DAP: variants seen among roughly 807,000 people sequenced by gnomAD.
DAP encodes death associated protein.
A neutral mutation model predicts 13.8 loss-of-function variants in DAP; 8 were observed. The ratio of observed to expected loss-of-function variants is 0.58; its 90% confidence interval spans 0.34 to 1.05. The LOEUF is 1.05. Among genes scored for constraint, DAP ranks in the 50% least tolerant of loss-of-function variants. DAP has a pLI of 0.03. For missense variants in DAP, 106 were observed against 133.2 expected, an observed-to-expected ratio of 0.80 and a Z score of 1.01; for synonymous variants, 47 against 47.5, an observed-to-expected ratio of 0.99 and a Z score of 0.04.
chr5:10,718,225 AG>A (rs1316085844), intron 2 of DAP, among the ~76,000 whole-genome samples: 9 of 152,212 alleles, frequency 5.9e-5, no homozygotes, highest in Non-Finnish European at 1.0e-4. Flanking sequence ...TGTGGTCCTC[AG>A]TTAAAGTAGG....
Position 10,680,959 on chromosome 5 carries a change from C to G in DAP, c.*97G>C. 2 of 1,542,886 alleles carry G rather than the reference C, an allele frequency of 1.3e-6. No homozygotes were observed. The highest frequency in any genetic ancestry group is 2.4e-5 in the East Asian group (1 of 41,068). ...CTTGGTTTTGCCTTAGATTTCCCAG[C>G]AGAGTAGGATTTGGGCGAAACTGCT... is the stretch of plus-strand genomic sequence containing the variant. On this transcript the variant is annotated 3_prime_UTR_variant, in exon 4 of 4. Coordinates refer to ENST00000230895, the MANE Select transcript of DAP (RefSeq NM_004394.3).
intron 2 of DAP, among the ~76,000 whole-genome samples, chr5:10,737,791 C>T (rs866361155): frequency 2.0e-5 from 3 of 152,212 alleles, no homozygotes; most frequent in African/African-American, 7.2e-5. Context: ...ATGCTGAAAT[C>T]CTAACTCCCA....
chr5:10,711,115 T>G (rs1268276543), intron 2 of DAP, among the ~76,000 whole-genome samples: 3 of 152,074 alleles, frequency 2.0e-5, no homozygotes, highest in African/African-American at 7.2e-5. Flanking sequence ...GTGAAATAAA[T>G]ATGGCCATGG....
At chr5:10,684,026 G>A (rs1214136354) in intron 2 of DAP, among the ~76,000 whole-genome samples, 2 of 152,158 alleles carry the variant, frequency 1.3e-5, no homozygotes, top group East Asian at 1.9e-4. Context: ...GTCTTGCTAT[G>A]TTGCCCAGGC....
intron 2 of DAP, among the ~76,000 whole-genome samples, chr5:10,704,692 T>C (rs756018957): frequency 6.6e-6 from 1 of 152,194 alleles, no homozygotes; most frequent in Non-Finnish European, 1.5e-5. Context: ...TGGTCTTTTC[T>C]GGGTTAATAG....
chr5:10,748,331 G>T (rs974675178), intron 1 of DAP, 60 bp from the exon 2 acceptor site: 29 of 1,437,080 alleles, frequency 2.0e-5, no homozygotes, highest in Non-Finnish European at 2.2e-5. Flanking sequence ...GTGGATCAGG[G>T]GGACCAGCTG....
chr5:10,749,913 C>T (rs114486936), intron 1 of DAP, among the ~76,000 whole-genome samples: 72 of 152,250 alleles, frequency 4.7e-4, no homozygotes, highest in African/African-American at 1.6e-3. Flanking sequence ...ACGCCCTCAG[C>T]TATGTGGTCT....
At chr5:10,720,120 C>T (rs1199022776) in intron 2 of DAP, among the ~76,000 whole-genome samples, 2 of 152,138 alleles carry the variant, frequency 1.3e-5, no homozygotes, top group East Asian at 1.9e-4. Context: ...TCTGATTCAC[C>T]GTTTGTGAGA....
intron 1 of DAP, among the ~76,000 whole-genome samples, chr5:10,754,183 A>C (rs764517779): frequency 5.3e-5 from 8 of 152,194 alleles, no homozygotes; most frequent in South Asian, 2.1e-4. Flanking sequence ...AGTGGAGAGG[A>C]TAAAGGGGTG....
rs1186639116 is a variant in DAP, at chr5:10,680,070, C to G, written c.*986G>C. On this transcript the variant is annotated 3_prime_UTR_variant, in exon 4 of 4. Transcript: ENST00000230895. The stretch of plus-strand genomic sequence containing the variant: ...CCCAAGTGACAATGGACCCAGGCAG[C>G]TGTGCACACCAGGTGGGAGGCGTTT... 1 of 152,686 alleles carries G rather than the reference C, an allele frequency of 6.5e-6. No individual in the cohort carries two copies. Among genetic ancestry groups the G allele is most frequent in the East Asian group, 1.9e-4 (1 of 5,352 alleles). The allele number at this position is 152,686 out of a possible 1,614,324, so 9.5% of individuals were successfully genotyped here.
intron 1 of DAP, among the ~76,000 whole-genome samples, chr5:10,752,543 T>C (rs1740072255): frequency 6.6e-6 from 1 of 152,204 alleles, no homozygotes; most frequent in Admixed American, 6.5e-5. Context: ...GAGCTTCAAA[T>C]GTAAAAAATA....
At chr5:10,747,321 T>A (rs191630490) in intron 2 of DAP, among the ~76,000 whole-genome samples, 2 of 152,238 alleles carry the variant, frequency 1.3e-5, no homozygotes, top group East Asian at 3.9e-4. Flanking sequence ...TGAACCCAAC[T>A]GGAAATCTGA....
At chr5:10,699,886 C>A (rs994059335) in intron 2 of DAP, among the ~76,000 whole-genome samples, 1 of 152,232 alleles carries the variant, frequency 6.6e-6, no homozygotes, top group Non-Finnish European at 1.5e-5. Flanking sequence ...ATGAGGACAG[C>A]CAGATAATAT....
At chr5:10,746,322 GTTTTTTTTTTGTTT>G (rs1402222775) in intron 2 of DAP, among the ~76,000 whole-genome samples, 2 of 138,552 alleles carry the variant, frequency 1.4e-5, no homozygotes, top group African/African-American at 5.5e-5. Flanking sequence ...TAATTCTAGC[GTTTTTTTTTTGTTT>G]TTTTTTTTTT....
In DAP at chr5:10,707,770, G is replaced by A. The variant is rs547584173; in HGVS notation, c.153-24199C>T. Among the ~76,000 whole-genome samples the A allele has an allele frequency of 6.6e-6, 1 of 152,334 alleles. No homozygotes were observed. Among genetic ancestry groups the A allele is most frequent in the East Asian group, 1.9e-4 (1 of 5,188 alleles). ...AGGTGGCGTGGCATAGGAATCATGT[G>A]ATGCACAGGTGCTATGGTGCAAAGA... On this transcript the variant is annotated intron_variant, in intron 2 of 3. Transcript: ENST00000230895. The surrounding 1 kb of genome is among the most constrained non-coding windows in gnomAD (Gnocchi z 4.0).
intron 2 of DAP, among the ~76,000 whole-genome samples, chr5:10,709,212 C>T (rs974349236): frequency 2.0e-5 from 3 of 152,208 alleles, no homozygotes; most frequent in African/African-American, 7.2e-5. Flanking sequence ...AGCTGAAGTT[C>T]TACTGTATGA....
intron 1 of DAP, among the ~76,000 whole-genome samples, chr5:10,753,717 C>A (rs145337944): frequency 6.6e-6 from 1 of 152,220 alleles, no homozygotes; most frequent in Non-Finnish European, 1.5e-5. Flanking sequence ...AACCAGGGAG[C>A]AATTTCCAGC....
intron 1 of DAP, among the ~76,000 whole-genome samples, 193 bp downstream of exon 1, chr5:10,760,821 G>A (rs1035759505): frequency 2.0e-5 from 3 of 152,010 alleles, no homozygotes; most frequent in African/African-American, 7.2e-5. Flanking sequence ...AAGCGGGGCC[G>A]AAGCTCCGGC....
chr5:10,718,707 A>T (rs1419471801), intron 2 of DAP, among the ~76,000 whole-genome samples: 2 of 152,218 alleles, frequency 1.3e-5, no homozygotes, highest in Non-Finnish European at 2.9e-5. Flanking sequence ...TGCTTGAGCA[A>T]ATTAACACAT....
Sources: gnomAD v4.1 joint callset for allele counts (sites outside exome capture counted in the v4.1 genomes callset) on GRCh38, gnomAD v4.1.1 for gene constraint, Gnocchi (gnomAD v3.1) non-coding constraint, MANE v1.5 for transcripts, NCBI Gene and HGNC (gene_info 2026-07-23, HGNC 2026-07-21) for gene names.